Variants in LCT observed in about 807,000 individuals in gnomAD.
LCT encodes the protein lactase/phlorizin hydrolase.
Under a neutral mutation model 173.0 loss-of-function variants are expected in LCT, and 90 were observed. The observed-to-expected ratio is 0.52, with a 90% CI of 0.44 to 0.62. LCT has a LOEUF of 0.62. Ranked by LOEUF, LCT falls within the 20% of genes least tolerant of loss-of-function variation. The probability of loss-of-function intolerance (pLI) is 0.00; values close to 1 mark genes in which losing one functional copy is unlikely to be tolerated. For missense variants in LCT, 1,864 were observed against 2,431.4 expected (o/e 0.77, Z 4.91); for synonymous variants, 853 against 957.6 (o/e 0.89, Z 2.02).
At chr2:135,825,923 C>T (rs2077885729) in intron 3 of LCT, among the ~76,000 whole-genome samples, 1 of 152,196 alleles carries the variant, frequency 6.6e-6, no homozygotes, top group South Asian at 2.1e-4. Flanking sequence ...ATTCAGGCTC[C>T]TGTGGACACA....
rs200579267 is a variant in LCT, at chr2:135,809,587, G to A, written c.2760C>T (p.Gly920=). 1,130 of 1,614,172 alleles carry A rather than the reference G, an allele frequency of 7.0e-4. 1 individual carries two copies. The highest frequency in any genetic ancestry group is 2.1e-3 in the East Asian group (96 of 44,880). ...GGCCTTTGCCATCGGCATCCCACGC[G>A]CCTTCAATCTGATAAGCGGAAGAGG... The part of the protein sequence containing the change: ...GVSSSAYQIE[G]AWDADGKGPS... Residue 920 remains glycine (G), a synonymous_variant, in exon 8 of 17, where the codon GGC becomes GGT. Coordinates refer to ENST00000264162, the MANE Select transcript of LCT (RefSeq NM_002299.4). This position sits in a 1 kb window ranked among gnomAD's most constrained non-coding sequence, Gnocchi z 5.5.
chr2:135,790,307 C>CT lies in LCT; in HGVS notation c.5335+350dup, dbSNP rs2077523195. On this transcript the variant is annotated intron_variant, in intron 15 of 16. Transcript: ENST00000264162. The surrounding 1 kb of genome is among the most constrained non-coding windows in gnomAD (Gnocchi z 4.1). ...AGAGCCTCAAACTTTTGCTCGGAGACTAAGAGACCCTACAGGCAACCACAC... is the reference window on the plus strand; with the variant it reads ...AGAGCCTCAAACTTTTGCTCGGAGACTTAAGAGACCCTACAGGCAACCACAC... 6.6e-6 allele frequency among the ~76,000 whole-genome samples: 1 copy of CT among 152,130 alleles called. No homozygotes were observed. The highest frequency in any genetic ancestry group is 1.5e-5 in the Non-Finnish European group (1 of 68,010).
intron 2 of LCT, among the ~76,000 whole-genome samples, chr2:135,830,172 C>A (rs2077923770): frequency 6.6e-6 from 1 of 152,100 alleles, no homozygotes; most frequent in East Asian, 1.9e-4. Flanking sequence ...TGAAGTCCAC[C>A]CCCAGTTATC....
chr2:135,812,764 G>A lies in LCT; in HGVS notation c.1900C>T (p.Pro634Ser). 1 of 1,614,136 alleles carries A rather than the reference G, an allele frequency of 6.2e-7. No individual in the cohort carries two copies. ...LHFMLGWFAHPVFVDGDYPAT... is the reference protein window; with the variant it reads ...LHFMLGWFAHSVFVDGDYPAT... ...GGGTAGTCTCCATCCACAAAGACGGGGTGTGCAAACCAGCCCAGCATGAAG... is the reference window on the plus strand; with the variant it reads ...GGGTAGTCTCCATCCACAAAGACGGAGTGTGCAAACCAGCCCAGCATGAAG... Residue 634 changes from proline (P) to serine (S), a missense_variant, in exon 7 of 17, where the codon CCC becomes TCC. This residue lies in a region of LCT where 755 missense variants were observed against 926.3 expected (regional missense o/e 0.82). Coordinates refer to ENST00000264162, the MANE Select transcript of LCT (RefSeq NM_002299.4).
chr2:135,831,659 A>G (rs945650649), intron 2 of LCT, among the ~76,000 whole-genome samples: 5 of 152,200 alleles, frequency 3.3e-5, no homozygotes, highest in African/African-American at 1.2e-4. Flanking sequence ...TGGCCGTGCA[A>G]TCAGCCTGGG....
Position 135,788,392 on chromosome 2 carries a change from A to G in LCT, c.5716T>C (p.Cys1906Arg). Residue 1906 changes from cysteine (C) to arginine (R), a missense_variant, in exon 17 of 17, where the codon TGC becomes CGC. Cys to Arg is a radical substitution (Grantham distance 180). Transcript: ENST00000264162. ...CGLAFLSYKY[C>R]KRSKQGKTQR... ...GTTTTCCCTTGCTTAGAGCGCTTGCAGTACTTGTATGACAGAAATGCCAAG... is the reference window on the plus strand; with the variant it reads ...GTTTTCCCTTGCTTAGAGCGCTTGCGGTACTTGTATGACAGAAATGCCAAG... 6.2e-7 allele frequency: 1 copy of G among 1,614,208 alleles called. No homozygotes were observed. Among genetic ancestry groups the G allele is most frequent in the Non-Finnish European group, 8.5e-7 (1 of 1,180,034 alleles).
At position 135,789,774 on chromosome 2, in the gene LCT, C is replaced by T. The variant is rs1326579339; in HGVS notation, c.5360G>A (p.Arg1787Gln). The change falls in exon 16 of 17, where the codon CGA (arginine) becomes CAA (glutamine). Residue 1787 changes from arginine (R) to glutamine (Q), a missense_variant. This residue lies in a region of LCT where 514 missense variants were observed against 750.1 expected (regional missense o/e 0.69). Coordinates refer to ENST00000264162, the MANE Select transcript of LCT (RefSeq NM_002299.4). ...CATCGCACTCCAAACTGTGTATCCT[C>T]GAAGGTCCACCTTGTCCTGCACAGC... ...LKAVQDKVDL[R>Q]GYTVWSAMDN... The T allele has an allele frequency of 8.1e-6, 13 of 1,614,000 alleles. No individual in the cohort carries two copies. The highest frequency in any genetic ancestry group is 4.5e-5 in the East Asian group (2 of 44,896).
At position 135,836,605 on chromosome 2, in the gene LCT, C is replaced by T; in HGVS notation, c.565G>A (p.Ala189Thr). ...IKELPHQESRASQLQTLSDAH... is the reference protein window; with the variant it reads ...IKELPHQESRTSQLQTLSDAH... Reference sequence around the variant, plus strand: ...TCACTGAGGGTCTGGAGTTGTGACGCTCTTGATTCCTGGTGGGGAAGCTCC... The same window carrying T: ...TCACTGAGGGTCTGGAGTTGTGACGTTCTTGATTCCTGGTGGGGAAGCTCC... The change falls in exon 1 of 17, where the codon GCG becomes ACG. Residue 189 changes from alanine to threonine, a missense_variant. This residue lies in a region of LCT where 412 missense variants were observed against 462.0 expected (regional missense o/e 0.89). Coordinates refer to ENST00000264162, the MANE Select transcript of LCT (RefSeq NM_002299.4). 6.2e-7 allele frequency: 1 copy of T among 1,614,064 alleles called. No individual in the cohort carries two copies. The highest frequency in any genetic ancestry group is 8.5e-7 in the Non-Finnish European group (1 of 1,179,948).
rs1228634648 is a variant in LCT, at chr2:135,829,637, A to G, written c.760T>C (p.Cys254Arg). The G allele has an allele frequency of 6.2e-7, 1 of 1,613,894 alleles. No homozygotes were observed. ...TGCCGCAGACTTGCCTCATTTTGGCATTCATAAGACAAATCAAGAGAGAGG... is the reference window on the plus strand; with the variant it reads ...TGCCGCAGACTTGCCTCATTTTGGCGTTCATAAGACAAATCAAGAGAGAGG... ...DFLSLDLSYE[C>R]QNEASLRQKL... The change falls in exon 3 of 17, where the codon TGC becomes CGC. Residue 254 changes from cysteine (C) to arginine (R), a missense_variant. Cys to Arg is a radical substitution (Grantham distance 180). This residue lies in a region of LCT where 412 missense variants were observed against 462.0 expected (regional missense o/e 0.89). Transcript: ENST00000264162.
chr2:135,807,987 G>A (rs557803890), intron 8 of LCT, among the ~76,000 whole-genome samples: 8 of 151,194 alleles, frequency 5.3e-5, no homozygotes, highest in Non-Finnish European at 7.4e-5. Flanking sequence ...AAAATTAGCC[G>A]GGCACGGTGG....
At chr2:135,810,722 T>A (rs1339744697) in intron 7 of LCT, among the ~76,000 whole-genome samples, 1 of 85,232 alleles carries the variant, frequency 1.2e-5, no homozygotes, top group Non-Finnish European at 2.4e-5. Context: ...AGACTCTGTC[T>A]CTATTGAAAA....
At chr2:135,789,456 AAGG>A in intron 16 of LCT, 112 bp downstream of exon 16, 2 of 751,904 alleles carry the variant, frequency 2.7e-6, no homozygotes, top group South Asian at 1.5e-5. Context: ...TGAATGAATG[AAGG>A]AGATGGGGCA....
In LCT at chr2:135,809,797, C is replaced by T; in HGVS notation, c.2550G>A (p.Lys850=). The T allele has an allele frequency of 1.2e-6, 2 of 1,614,124 alleles. No homozygotes were observed. Among genetic ancestry groups the T allele is most frequent in the South Asian group, 2.2e-5 (2 of 91,080 alleles). The stretch of plus-strand genomic sequence containing the variant: ...TAGGTGGTAGCAGTCTTTTTGCCCC[C>T]TTGGTGAGGAAACCGTTCTTTTCTA... ...SIIEKNGFLT[K]GAKRLLPPNT... Residue 850 remains lysine (K), a synonymous_variant, in exon 8 of 17, where the codon AAG becomes AAA. Transcript: ENST00000264162. The surrounding 1 kb of genome is among the most constrained non-coding windows in gnomAD (Gnocchi z 5.5).
chr2:135,791,141 G>A (rs1258620138), intron 14 of LCT, among the ~76,000 whole-genome samples: 3 of 152,206 alleles, frequency 2.0e-5, no homozygotes, highest in Non-Finnish European at 4.4e-5. Context: ...TGCAGAGAAT[G>A]GTCTTGCTCA....
rs1022913529 is a variant in LCT, at chr2:135,794,533, G to A, written c.5111+108C>T. The stretch of plus-strand genomic sequence containing the variant: ...GCATCTTGCAAACCCCGGCACATTC[G>A]GCGTTGGAGGCCCTGTTTTGAGGCT... On this transcript the variant is annotated intron_variant, in intron 14 of 16. Transcript: ENST00000264162. 75 of 1,170,346 alleles carry A rather than the reference G, an allele frequency of 6.4e-5. No individual in the cohort carries two copies. In the Admixed American group the frequency reaches 7.9e-4, roughly 12 times the overall value. 72.5% of individuals were successfully genotyped at this position (1,170,346 alleles called of 1,614,324 possible). A position where few individuals can be genotyped will look rare whatever the true frequency, so the allele number is the denominator to read the frequency against.
chr2:135,796,040 T>C (rs1375391752), intron 13 of LCT, among the ~76,000 whole-genome samples: 1 of 152,242 alleles, frequency 6.6e-6, no homozygotes. Context: ...AGATTACTTG[T>C]GAGCCTGGGA....
intron 4 of LCT, chr2:135,823,010 G>A (rs1229602944): frequency 6.6e-6 from 1 of 152,426 alleles, no homozygotes; most frequent in East Asian, 1.9e-4. Context: ...GCCCTCACCA[G>A]AAGCTGACCA....
intron 13 of LCT, among the ~76,000 whole-genome samples, chr2:135,797,273 C>G (rs1192634326): frequency 6.6e-6 from 1 of 152,116 alleles, no homozygotes; most frequent in Non-Finnish European, 1.5e-5. Context: ...TAATCCTCAG[C>G]TGGACTATAT....
intron 6 of LCT, among the ~76,000 whole-genome samples, chr2:135,816,057 AC>A (rs1453956283): frequency 2.0e-5 from 3 of 152,188 alleles, no homozygotes; most frequent in South Asian, 2.1e-4. Flanking sequence ...AGGCAGACTA[AC>A]ATGTCCATCC....
Sources: gnomAD v4.1 joint callset for allele counts (sites outside exome capture counted in the v4.1 genomes callset) on GRCh38, gnomAD v4.1.1 for gene constraint, gnomAD v4.1.1 regional missense constraint, Gnocchi (gnomAD v3.1) non-coding constraint, MANE v1.5 for transcripts, NCBI Gene and HGNC (gene_info 2026-07-23, HGNC 2026-07-21) for gene names.